Variants in PPM1H observed in about 807,000 individuals in gnomAD.
The protein encoded by PPM1H is protein phosphatase, Mg2+/Mn2+ dependent 1H.
Under a neutral mutation model 54.9 loss-of-function variants are expected in PPM1H, and 27 were observed. That is an observed-to-expected ratio of 0.49 (90% confidence interval 0.36 to 0.68). The LOEUF is 0.68. Ranked by LOEUF, PPM1H falls within the 30% of genes least tolerant of loss-of-function variation. The pLI is 0.00. For synonymous variants in PPM1H, 305 were observed against 270.8 expected (o/e 1.13, Z -1.24); for missense variants, 596 against 667.8 (o/e 0.89, Z 1.19).
intron 6 of PPM1H, among the ~76,000 whole-genome samples, chr12:62,698,105 A>G (rs72648149): frequency 0.13 from 19,824 of 152,050 alleles, 1,668 homozygotes; most frequent in East Asian, 0.32. Flanking sequence ...AGCTGTAAAA[A>G]AAAAAGCCAC....
intron 4 of PPM1H, among the ~76,000 whole-genome samples, chr12:62,775,293 G>A (rs932269294): frequency 7.2e-5 from 11 of 152,184 alleles, no homozygotes; most frequent in South Asian, 6.2e-4. Context: ...GCCTCAGACC[G>A]AGTTCAGGGG....
chr12:62,860,299 C>G (rs1466567306), intron 1 of PPM1H, among the ~76,000 whole-genome samples: 2 of 152,068 alleles, frequency 1.3e-5, no homozygotes, highest in Non-Finnish European at 2.9e-5. Context: ...CTACCGGGTC[C>G]CTCTCATGAC....
chr12:62,714,298 G>A (rs1348680500), intron 6 of PPM1H, among the ~76,000 whole-genome samples: 1 of 152,154 alleles, frequency 6.6e-6, no homozygotes, highest in East Asian at 1.9e-4. Context: ...CACAGAGAAT[G>A]GAAATTTCTC....
At chr12:62,720,352 A>G (rs2076257071) in intron 5 of PPM1H, 63 bp from the exon 6 acceptor site, 2 of 1,319,514 alleles carry the variant, frequency 1.5e-6, no homozygotes, top group South Asian at 2.6e-5. Context: ...CAAAATAAGA[A>G]TCAAGGATGT....
At chr12:62,931,515 G>A (rs1401563561) in intron 1 of PPM1H, among the ~76,000 whole-genome samples, 1 of 152,184 alleles carries the variant, frequency 6.6e-6, no homozygotes, top group African/African-American at 2.4e-5. Context: ...TAAGGAAGCG[G>A]TACAGTATAT....
chr12:62,820,462 C>T (rs759203027), intron 2 of PPM1H, among the ~76,000 whole-genome samples: 2 of 152,192 alleles, frequency 1.3e-5, no homozygotes, highest in East Asian at 1.9e-4. Flanking sequence ...CCCTGAACCC[C>T]GAGTAGCCTA....
At chr12:62,717,912 C>A (rs2076244163) in intron 6 of PPM1H, among the ~76,000 whole-genome samples, 2 of 152,184 alleles carry the variant, frequency 1.3e-5, no homozygotes, top group South Asian at 4.1e-4. Flanking sequence ...GCATCTGCAA[C>A]AAAGATACTT....
chr12:62,707,802 C>T (rs572452955), intron 6 of PPM1H, among the ~76,000 whole-genome samples: 56 of 152,256 alleles, frequency 3.7e-4, no homozygotes, highest in African/African-American at 1.3e-3. Flanking sequence ...CAATGCCCAA[C>T]CTAATACCTG....
Position 62,696,312 on chromosome 12 carries a change from T to C in PPM1H, c.1074-2313A>G, listed in dbSNP as rs557101293. On this transcript the variant is annotated intron_variant, in intron 6 of 9. Coordinates refer to ENST00000228705, the MANE Select transcript of PPM1H (RefSeq NM_020700.2). ...ACCAAATGCAAATTTTAATATTATA[T>C]GTTAGCTTCTGCTTATCTTCAGGAA... Among the ~76,000 whole-genome samples the C allele has an allele frequency of 2.0e-5, 3 of 152,340 alleles. No individual in the cohort carries two copies. The East Asian group carries it at 5.8e-4, about 29-fold the overall frequency.
At chr12:62,897,844 G>C (rs1471627256) in intron 1 of PPM1H, among the ~76,000 whole-genome samples, 1 of 152,162 alleles carries the variant, frequency 6.6e-6, no homozygotes, top group Non-Finnish European at 1.5e-5. Context: ...GAGAAGCCAT[G>C]ATGGGCTACT....
At chr12:62,707,311 G>C (rs956157363) in intron 6 of PPM1H, among the ~76,000 whole-genome samples, 1 of 152,154 alleles carries the variant, frequency 6.6e-6, no homozygotes, top group Non-Finnish European at 1.5e-5. Context: ...TCCCTTATCA[G>C]CCACTGCCAG....
intron 1 of PPM1H, among the ~76,000 whole-genome samples, chr12:62,932,586 G>C (rs946301704): frequency 6.9e-6 from 1 of 145,640 alleles, no homozygotes; most frequent in Non-Finnish European, 1.5e-5. Context: ...TATACCACAG[G>C]GTATGCCTCC....
chr12:62,934,647 G>A lies in PPM1H; in HGVS notation c.90C>T (p.Cys30=), dbSNP rs762801436. ...SSGSEHGGGS[C]GGSDLPLRFP... is the part of the protein sequence containing the mutation. ...AACGCAGGGGCAGGTCCGAGCCTCC[G>A]CAGCTGCCGCCGCCGTGCTCGGAGC... Residue 30 remains cysteine, a synonymous_variant, in exon 1 of 10, where the codon TGC becomes TGT. Transcript: ENST00000228705. The surrounding 1 kb of genome is among the most constrained non-coding windows in gnomAD (Gnocchi z 4.2). 5 of 1,595,436 alleles carry A rather than the reference G, an allele frequency of 3.1e-6. No homozygotes were observed. Among genetic ancestry groups the A allele is most frequent in the Non-Finnish European group, 4.3e-6 (5 of 1,172,632 alleles).
chr12:62,694,855 C>A (rs1354491232), intron 6 of PPM1H, among the ~76,000 whole-genome samples: 1 of 152,194 alleles, frequency 6.6e-6, no homozygotes, highest in Non-Finnish European at 1.5e-5. Context: ...CACTTAGTGG[C>A]AGTTATTACT....
chr12:62,695,705 A>T (rs1421509335), intron 6 of PPM1H, among the ~76,000 whole-genome samples: 1 of 152,180 alleles, frequency 6.6e-6, no homozygotes, highest in Non-Finnish European at 1.5e-5. Flanking sequence ...TCCAATGTGC[A>T]GCCAAGGTTG....
intron 8 of PPM1H, among the ~76,000 whole-genome samples, chr12:62,670,277 G>A (rs934437342): frequency 3.9e-5 from 6 of 152,032 alleles, no homozygotes; most frequent in Non-Finnish European, 7.4e-5. Flanking sequence ...GCGCCTGGCC[G>A]ATTCCTAGCT....
intron 1 of PPM1H, among the ~76,000 whole-genome samples, chr12:62,870,924 G>A (rs188438013): frequency 6.6e-6 from 1 of 152,338 alleles, no homozygotes; most frequent in Admixed American, 6.5e-5. Flanking sequence ...AAGTGTTGCT[G>A]TGGATGTGGA....
At chr12:62,715,938 G>A (rs2076232239) in intron 6 of PPM1H, among the ~76,000 whole-genome samples, 1 of 152,142 alleles carries the variant, frequency 6.6e-6, no homozygotes, top group African/African-American at 2.4e-5. Flanking sequence ...CACCAGTCCT[G>A]GTGGACAGAG....
At chr12:62,813,484 T>C (rs146577187) in intron 2 of PPM1H, among the ~76,000 whole-genome samples, 1,946 of 152,342 alleles carry the variant, frequency 0.013, 24 homozygotes, top group Middle Eastern at 0.02. Flanking sequence ...CCTGTTAGTT[T>C]TGGTATATGG....
Sources: gnomAD v4.1 joint callset for allele counts (sites outside exome capture counted in the v4.1 genomes callset) on GRCh38, gnomAD v4.1.1 for gene constraint, Gnocchi (gnomAD v3.1) non-coding constraint, MANE v1.5 for transcripts, NCBI Gene and HGNC (gene_info 2026-07-23, HGNC 2026-07-21) for gene names.